DYNC1I1: variants seen among roughly 807,000 people sequenced by gnomAD.
DYNC1I1 encodes cytoplasmic dynein 1 intermediate chain 1.
A neutral mutation model predicts 86.6 loss-of-function variants in DYNC1I1; 43 were observed. The ratio of observed to expected loss-of-function variants is 0.50; its 90% CI spans 0.39 to 0.64. The LOEUF (loss-of-function observed/expected upper bound fraction) is 0.64. Ranked by LOEUF, DYNC1I1 falls within the 30% of genes least tolerant of loss-of-function variation. DYNC1I1 has a pLI of 0.00. For missense variants in DYNC1I1, 604 were observed against 788.8 expected, an observed-to-expected ratio of 0.77 and a Z score of 2.81; for synonymous variants, 262 against 283.7, an observed-to-expected ratio of 0.92 and a Z score of 0.77.
chr7:96,046,370 A>G (rs1789215906), intron 14 of DYNC1I1, among the ~76,000 whole-genome samples: 1 of 152,246 alleles, frequency 6.6e-6, no homozygotes, highest in South Asian at 2.1e-4. Flanking sequence ...AGCCAAGATC[A>G]ACATTTATCG....
chr7:95,887,078 C>G (rs1790613002), intron 6 of DYNC1I1, among the ~76,000 whole-genome samples: 1 of 152,178 alleles, frequency 6.6e-6, no homozygotes, highest in African/African-American at 2.4e-5. Context: ...CTCAGCCAGT[C>G]TCATCTCCTG....
chr7:96,106,115 T>C (rs1791209900), intron 16 of DYNC1I1, among the ~76,000 whole-genome samples: 1 of 152,214 alleles, frequency 6.6e-6, no homozygotes, highest in Non-Finnish European at 1.5e-5. Context: ...ATTTTCTTTA[T>C]TGTTTATTCA....
intron 5 of DYNC1I1, among the ~76,000 whole-genome samples, chr7:95,856,851 C>T (rs183167057): frequency 2.6e-5 from 4 of 152,116 alleles, no homozygotes; most frequent in Admixed American, 1.3e-4. Context: ...TGGTGGCAGG[C>T]GCCTGTAATC....
rs1324590972 is a variant in DYNC1I1, at chr7:95,881,124, G to A, written c.490+11126G>A. Among the ~76,000 whole-genome samples, 4 of 152,182 alleles carry A rather than the reference G, an allele frequency of 2.6e-5. No homozygotes were observed. In the East Asian group the frequency reaches 7.7e-4, roughly 29 times the overall value. On this transcript the variant is annotated intron_variant, in intron 6 of 16. Transcript: ENST00000447467. ...ACCATAGGTAATTACACAAGAAAGAGTAACTTAGGCAGAAGGGAGAGGGTT... is the reference window on the plus strand; with the variant it reads ...ACCATAGGTAATTACACAAGAAAGAATAACTTAGGCAGAAGGGAGAGGGTT...
At chr7:95,807,558 C>CT (rs1794730480) in intron 2 of DYNC1I1, among the ~76,000 whole-genome samples, 1 of 152,096 alleles carries the variant, frequency 6.6e-6, no homozygotes, top group Non-Finnish European at 1.5e-5. Flanking sequence ...GATGCAGCTG[C>CT]TTACATATAC....
At chr7:95,828,676 A>G (rs1430713261) in intron 5 of DYNC1I1, among the ~76,000 whole-genome samples, 1 of 152,178 alleles carries the variant, frequency 6.6e-6, no homozygotes, top group African/African-American at 2.4e-5. Flanking sequence ...GATGTTGAGT[A>G]ATGTCTCCTA....
At chr7:96,043,812 C>A (rs1365412612) in intron 14 of DYNC1I1, among the ~76,000 whole-genome samples, 3 of 151,990 alleles carry the variant, frequency 2.0e-5, no homozygotes, top group African/African-American at 7.3e-5. Context: ...CCAGTTCAAG[C>A]AATTCTCCTG....
chr7:96,007,716 A>G lies in DYNC1I1; in HGVS notation c.969+11643A>G, dbSNP rs181944870. On this transcript the variant is annotated intron_variant, in intron 10 of 16. Coordinates refer to ENST00000447467, the MANE Select transcript of DYNC1I1 (RefSeq NM_001135556.2). The stretch of plus-strand genomic sequence containing the variant: ...GAAAAAACACTCTAAGCCTCTGTAC[A>G]GCATTTTTAAAAGAAGGCTAATGGA... Among the ~76,000 whole-genome samples the G allele has an allele frequency of 5.3e-3, 811 of 152,350 alleles. 10 individuals are homozygous for G. Among genetic ancestry groups the G allele is most frequent in the African/African-American group, 0.018 (766 of 41,582 alleles).
At chr7:95,878,591 A>T (rs1790369663) in intron 6 of DYNC1I1, among the ~76,000 whole-genome samples, 1 of 152,202 alleles carries the variant, frequency 6.6e-6, no homozygotes, top group South Asian at 2.1e-4. Flanking sequence ...GAAATGTGGG[A>T]TACCATTAAG....
chr7:95,951,018 G>T (rs1159797285), intron 6 of DYNC1I1, among the ~76,000 whole-genome samples: 1 of 152,122 alleles, frequency 6.6e-6, no homozygotes, highest in African/African-American at 2.4e-5. Flanking sequence ...GAACAGAGTC[G>T]AATAGAATAG....
At chr7:96,108,776 G>C (rs980132910) in intron 16 of DYNC1I1, among the ~76,000 whole-genome samples, 1 of 150,304 alleles carries the variant, frequency 6.7e-6, no homozygotes, top group African/African-American at 2.5e-5. Context: ...GCAGAGAATT[G>C]CTTGAACCCA....
intron 6 of DYNC1I1, among the ~76,000 whole-genome samples, chr7:95,971,494 A>G (rs1793169730): frequency 6.6e-6 from 1 of 152,178 alleles, no homozygotes; most frequent in Admixed American, 6.5e-5. Flanking sequence ...ATCCAAAAAA[A>G]CAAACAAACA....
chr7:95,955,059 C>T (rs1792673500), intron 6 of DYNC1I1, among the ~76,000 whole-genome samples: 1 of 151,950 alleles, frequency 6.6e-6, no homozygotes. Context: ...AGTTATCAGT[C>T]TATAGTGAAG....
rs866086273 is a variant in DYNC1I1, at chr7:96,065,289, T to C, written c.1510-10768T>C. On this transcript the variant is annotated intron_variant, in intron 14 of 16. Transcript: ENST00000447467. ...AGGTCCTCTCCACTGGTTCTCTCTC[T>C]TCTACTCTCTCAGCCCAAATGCTCA... Among the ~76,000 whole-genome samples the C allele has an allele frequency of 1.3e-5, 2 of 152,026 alleles. 1 individual carries two copies. Among genetic ancestry groups the C allele is most frequent in the South Asian group, 4.2e-4 (2 of 4,804 alleles).
At chr7:95,963,215 G>A (rs1322037484) in intron 6 of DYNC1I1, among the ~76,000 whole-genome samples, 2 of 151,974 alleles carry the variant, frequency 1.3e-5, no homozygotes, top group Admixed American at 6.6e-5. Context: ...CTCTGCCCTT[G>A]TCCTATCTCC....
rs1198886518 is a variant in DYNC1I1, at chr7:96,076,089, T to A, written c.1542T>A (p.Asn514Lys). 1.2e-6 allele frequency: 2 copies of A among 1,614,110 alleles called. No individual in the cohort carries two copies. The highest frequency in any genetic ancestry group is 1.7e-6 in the Non-Finnish European group (2 of 1,180,054). ...HNKPLYSFEDNADYVYDVMWS... is the reference protein window; with the variant it reads ...HNKPLYSFEDKADYVYDVMWS... ...AGCCGCTCTACTCCTTTGAAGACAA[T>A]GCAGACTATGTGTACGATGTCATGT... Residue 514 changes from asparagine (N) to lysine (K), a missense_variant, in exon 15 of 17, where the codon AAT (asparagine) becomes AAA (lysine). Asn to Lys is a moderately conservative substitution (Grantham distance 94, BLOSUM62 0). Coordinates refer to ENST00000447467, the MANE Select transcript of DYNC1I1 (RefSeq NM_001135556.2).
chr7:96,027,322 A>G (rs1041411290), intron 10 of DYNC1I1, among the ~76,000 whole-genome samples: 8 of 152,224 alleles, frequency 5.3e-5, no homozygotes, highest in African/African-American at 1.9e-4. Context: ...AAATGCAAAT[A>G]TGAAAAGTAC....
intron 6 of DYNC1I1, among the ~76,000 whole-genome samples, chr7:95,971,220 G>GT (rs1195600399): frequency 1.3e-5 from 2 of 152,138 alleles, no homozygotes; most frequent in Admixed American, 6.6e-5. Context: ...AGATACAGGT[G>GT]TAAGAGCTAA....
At position 95,832,268 on chromosome 7, in the gene DYNC1I1, T is replaced by G. The variant is rs866295602; in HGVS notation, c.374+4152T>G. Reference sequence around the variant, plus strand: ...TTTACTGAGAATGATGATTTCCAATTTCATCCATGTCCCTACAAAGGACAT... The same window carrying G: ...TTTACTGAGAATGATGATTTCCAATGTCATCCATGTCCCTACAAAGGACAT... On this transcript the variant is annotated intron_variant, in intron 5 of 16. Transcript: ENST00000447467. 3.0e-3 allele frequency among the ~76,000 whole-genome samples: 428 copies of G among 144,330 alleles called. 2 individuals are homozygous for G. Among genetic ancestry groups the G allele is most frequent in the African/African-American group, 0.011 (404 of 37,686 alleles). 94.7% of individuals were successfully genotyped at this position (144,330 alleles called of 152,430 possible).
Sources: allele counts gnomAD v4.1 joint callset (sites outside exome capture counted in the v4.1 genomes callset), GRCh38; gene constraint gnomAD v4.1.1; transcripts MANE v1.5; gene names NCBI Gene and HGNC (gene_info 2026-07-23, HGNC 2026-07-21).